Variants in ZSWIM2 observed in about 807,000 individuals in gnomAD.
The protein encoded by ZSWIM2 is E3 ubiquitin-protein ligase ZSWIM2.
In ZSWIM2, 38 loss-of-function variants were observed where a neutral mutation model predicts 48.4. The observed-to-expected ratio is 0.79, with a 90% CI of 0.61 to 1.03. The LOEUF (loss-of-function observed/expected upper bound fraction) is 1.03, where lower values mean the gene tolerates loss of function less well. Among genes scored for constraint, ZSWIM2 ranks in the 50% least tolerant of loss-of-function variants. The pLI is 0.00. For missense variants in ZSWIM2, 776 were observed against 730.2 expected (o/e 1.06, Z -0.72); for synonymous variants, 240 against 251.3 (o/e 0.96, Z 0.42).
intron 8 of ZSWIM2, 71 bp downstream of exon 8, chr2:186,829,655 AC>A: frequency 6.7e-7 from 1 of 1,503,388 alleles, no homozygotes; most frequent in South Asian, 1.2e-5. Flanking sequence ...AAAAGGACAG[AC>A]TTAAATTGTC....
chr2:186,829,861 G>C lies in ZSWIM2; in HGVS notation c.961C>G (p.His321Asp), dbSNP rs775122265. 6.2e-7 allele frequency: 1 copy of C among 1,613,530 alleles called. No homozygotes were observed. The highest frequency in any genetic ancestry group is 1.7e-5 in the Admixed American group (1 of 59,946). The change falls in exon 8 of 9, where the codon CAC (histidine) becomes GAC (aspartate). Residue 321 changes from histidine to aspartate, a missense_variant. Physicochemically the swap from His to Asp is moderately conservative, Grantham distance 81. Transcript: ENST00000295131. Reference sequence around the variant, plus strand: ...TGGAGAGGCAGTGATCTTACAATGTGTTTTGGTGTGTAAACTTGGCTGAAT... The same window carrying C: ...TGGAGAGGCAGTGATCTTACAATGTCTTTTGGTGTGTAAACTTGGCTGAAT... ...EKQGQVYTPK[H>D]IVRSLPLQLI...
chr2:186,828,479 A>T lies in ZSWIM2; in HGVS notation c.1407T>A (p.Asn469Lys). 4 of 1,613,434 alleles carry T rather than the reference A, an allele frequency of 2.5e-6. No homozygotes were observed. The highest frequency in any genetic ancestry group is 3.4e-6 in the Non-Finnish European group (4 of 1,179,688). Residue 469 changes from asparagine to lysine, a missense_variant, in exon 9 of 9, where the codon AAT becomes AAA. Physicochemically the swap from Asn to Lys is moderately conservative, Grantham distance 94. Coordinates refer to ENST00000295131, the MANE Select transcript of ZSWIM2 (RefSeq NM_182521.3). ...AATTATCTAATTTGATAGAGCATAGATTATCTATTGTTGTATTTTCATAGG... is the reference window on the plus strand; with the variant it reads ...AATTATCTAATTTGATAGAGCATAGTTTATCTATTGTTGTATTTTCATAGG... ...KDAYENTTID[N>K]LCSIKLDNSN...
intron 4 of ZSWIM2, among the ~76,000 whole-genome samples, chr2:186,838,089 T>C (rs528687038): frequency 1.0e-3 from 152 of 151,516 alleles, no homozygotes; most frequent in African/African-American, 3.4e-3. Context: ...TTTGTTAAAT[T>C]ATCAGAAGAA....
At chr2:186,839,612 A>C (rs955666090) in intron 3 of ZSWIM2, among the ~76,000 whole-genome samples, 1 of 151,772 alleles carries the variant, frequency 6.6e-6, no homozygotes, top group Non-Finnish European at 1.5e-5. Flanking sequence ...AGTGAATTAA[A>C]TAATAATGGA....
At chr2:186,846,790 T>A (rs1021804317) in intron 2 of ZSWIM2, among the ~76,000 whole-genome samples, 1 of 75,528 alleles carries the variant, frequency 1.3e-5, no homozygotes, top group African/African-American at 6.0e-5. Context: ...TATAAACATA[T>A]ATATATACAC....
chr2:186,843,275 CA>C (rs886433086), intron 3 of ZSWIM2, among the ~76,000 whole-genome samples: 1 of 151,344 alleles, frequency 6.6e-6, no homozygotes, highest in Non-Finnish European at 1.5e-5. Context: ...ATGGAGAAGT[CA>C]AAAAGAAAAC....
At chr2:186,842,752 C>T (rs768515078) in intron 3 of ZSWIM2, among the ~76,000 whole-genome samples, 3 of 151,390 alleles carry the variant, frequency 2.0e-5, no homozygotes, top group East Asian at 1.9e-4. Context: ...TGAAATTTGA[C>T]GAGTGTGACT....
intron 5 of ZSWIM2, among the ~76,000 whole-genome samples, chr2:186,836,477 G>C (rs1691794829): frequency 6.6e-6 from 1 of 151,994 alleles, no homozygotes; most frequent in Non-Finnish European, 1.5e-5. Flanking sequence ...AAATTCAAAG[G>C]AGAAAGGTAT....
At chr2:186,842,275 C>T (rs970671623) in intron 3 of ZSWIM2, among the ~76,000 whole-genome samples, 1 of 151,174 alleles carries the variant, frequency 6.6e-6, no homozygotes, top group East Asian at 1.9e-4. Flanking sequence ...TTTATTCTAG[C>T]TTTAATTTAA....
chr2:186,828,323 A>T lies in ZSWIM2; in HGVS notation c.1563T>A (p.Asn521Lys). The change falls in exon 9 of 9, where the codon AAT (asparagine) becomes AAA (lysine). Residue 521 changes from asparagine (N) to lysine (K), a missense_variant. Asn to Lys is a moderately conservative substitution (Grantham distance 94). Transcript: ENST00000295131. ...TTTCCATTGCAGTGGGACACACAATATTCTTATGAACAATAGGAGGAAGCA... is the reference window on the plus strand; with the variant it reads ...TTTCCATTGCAGTGGGACACACAATTTTCTTATGAACAATAGGAGGAAGCA... ...QTLLPPIVHK[N>K]IVCPTAMESP... 1 of 1,613,726 alleles carries T rather than the reference A, an allele frequency of 6.2e-7. No homozygotes were observed. Among genetic ancestry groups the T allele is most frequent in the Non-Finnish European group, 8.5e-7 (1 of 1,179,798 alleles).
In ZSWIM2 at chr2:186,829,729, T is replaced by C. The variant is rs200886754; in HGVS notation, c.1093A>G (p.Lys365Glu). The C allele has an allele frequency of 6.2e-7, 1 of 1,608,118 alleles. No individual in the cohort carries two copies. Among genetic ancestry groups the C allele is most frequent in the East Asian group, 2.2e-5 (1 of 44,822 alleles). The change falls in exon 8 of 9, where the codon AAG becomes GAG. Residue 365 changes from lysine (K) to glutamate (E), a missense_variant and splice_region_variant. By Grantham distance (56) the Lys-to-Glu change is moderately conservative. Coordinates refer to ENST00000295131, the MANE Select transcript of ZSWIM2 (RefSeq NM_182521.3). Reference sequence around the variant, plus strand: ...AACTAAAATGATGTGACTTTTACCTTGTGAGTACATGGTAGCAATCTTGTA... The same window carrying C: ...AACTAAAATGATGTGACTTTTACCTCGTGAGTACATGGTAGCAATCTTGTA... ...QHTRLLPCTH[K>E]FHRKCIDNWL...
chr2:186,836,782 T>C (rs1301758540), intron 5 of ZSWIM2, among the ~76,000 whole-genome samples: 1 of 152,160 alleles, frequency 6.6e-6, no homozygotes, highest in East Asian at 1.9e-4. Flanking sequence ...GCTCTAATAA[T>C]TACTATGTTT....
chr2:186,835,041 C>T (rs1168270306), intron 5 of ZSWIM2, among the ~76,000 whole-genome samples: 1 of 152,172 alleles, frequency 6.6e-6, no homozygotes, highest in East Asian at 1.9e-4. Flanking sequence ...TCTTTCTCTA[C>T]ATTCTTACAG....
chr2:186,839,019 T>C lies in ZSWIM2; in HGVS notation c.434A>G (p.Asp145Gly), dbSNP rs773971312. Reference protein sequence around the residue: ...YIKQKEIDSEDICSICQELLL... With the variant: ...YIKQKEIDSEGICSICQELLL... Reference sequence around the variant, plus strand: ...TAGCTCTTGACAAATAGAGCAGATATCCTCTGAATCAATTTCCTTCTGTTT... The same window carrying C: ...TAGCTCTTGACAAATAGAGCAGATACCCTCTGAATCAATTTCCTTCTGTTT... Residue 145 changes from aspartate to glycine, a missense_variant, in exon 4 of 9, where the codon GAT becomes GGT. Coordinates refer to ENST00000295131, the MANE Select transcript of ZSWIM2 (RefSeq NM_182521.3). 7.4e-6 allele frequency: 12 copies of C among 1,611,548 alleles called. No homozygotes were observed. In the East Asian group the frequency reaches 1.1e-4, roughly 15 times the overall value.
chr2:186,834,966 A>G (rs1691768221), intron 5 of ZSWIM2, among the ~76,000 whole-genome samples: 1 of 152,150 alleles, frequency 6.6e-6, no homozygotes, highest in African/African-American at 2.4e-5. Context: ...TAGGAAGTCC[A>G]TTATTTTGTC....
In ZSWIM2 at chr2:186,837,299, CACTT is replaced by C. The variant is rs1691810454; in HGVS notation, c.743+3_743+6del. The C allele has an allele frequency of 8.1e-6, 13 of 1,611,530 alleles. No homozygotes were observed. The highest frequency in any genetic ancestry group is 1.1e-5 in the South Asian group (1 of 90,964). On this transcript the variant is annotated splice_donor_5th_base_variant and intron_variant, in intron 5 of 8. Coordinates refer to ENST00000295131, the MANE Select transcript of ZSWIM2 (RefSeq NM_182521.3). Reference sequence around the variant, plus strand: ...ACACATGCTTATAATTTACGGATAACACTTACTTATAACACTTCCCCTCAATTGG... The same window carrying C: ...ACACATGCTTATAATTTACGGATAACACTTATAACACTTCCCCTCAATTGG...
chr2:186,830,336 C>T (rs1691676118), intron 7 of ZSWIM2, among the ~76,000 whole-genome samples: 1 of 152,134 alleles, frequency 6.6e-6, no homozygotes, highest in Non-Finnish European at 1.5e-5. Context: ...GAGCCGAGAT[C>T]ACGGCACTGT....
intron 5 of ZSWIM2, among the ~76,000 whole-genome samples, chr2:186,835,969 A>C (rs957960183): frequency 6.6e-6 from 1 of 152,152 alleles, no homozygotes; most frequent in Admixed American, 6.6e-5. Context: ...TTTACTTAGT[A>C]GGAAGAATAA....
intron 5 of ZSWIM2, among the ~76,000 whole-genome samples, chr2:186,836,549 A>C (rs1198844322): frequency 6.6e-6 from 1 of 152,104 alleles, no homozygotes; most frequent in African/African-American, 2.4e-5. Context: ...TATATATATA[A>C]ATTAGATTGG....
Sources: gnomAD v4.1 joint callset for allele counts (sites outside exome capture counted in the v4.1 genomes callset) on GRCh38, gnomAD v4.1.1 for gene constraint, MANE v1.5 for transcripts, NCBI Gene and HGNC (gene_info 2026-07-23, HGNC 2026-07-21) for gene names.